The following DLEC1 variants were observed in gnomAD, a reference collection of about 807,000 sequenced individuals.
DLEC1 encodes DLEC1 cilia and flagella associated protein, also known as deleted in lung and esophageal cancer protein 1.
Under a neutral mutation model 198.1 loss-of-function variants are expected in DLEC1, and 146 were observed. The ratio of observed to expected loss-of-function variants is 0.74; its 90% CI spans 0.64 to 0.85. DLEC1 has a LOEUF of 0.85. Among genes scored for constraint, DLEC1 ranks in the 40% least tolerant of loss-of-function variants. The pLI, the probability that DLEC1 is intolerant of heterozygous loss-of-function variation, is 0.00. For synonymous variants in DLEC1, 897 were observed against 866.8 expected (o/e 1.03, Z -0.61); for missense variants, 2,233 against 2,220.0 (o/e 1.01, Z -0.12).
rs1275417549 is a variant in DLEC1 at position 38,088,370 on chromosome 3, A to G, written c.1647A>G (p.Gly549=). 4 of 1,613,664 alleles carry G rather than the reference A, an allele frequency of 2.5e-6. No individual in the cohort carries two copies. Among genetic ancestry groups the G allele is most frequent in the Non-Finnish European group, 3.4e-6 (4 of 1,179,668 alleles). The change falls in exon 10 of 37, where the codon GGA becomes GGG. Residue 549 remains glycine, a synonymous_variant. Coordinates refer to ENST00000308059, the MANE Select transcript of DLEC1 (RefSeq NM_007335.4). ...ILPSVFELAP[G]HAILVEVLFS... ...CTTCGGTGTTTGAGCTGGCCCCGGG[A>G]CATGCTATATTAGTGGAGGTAGGTA...
At position 38,062,272 on chromosome 3, in the gene DLEC1, G is replaced by A. The variant is rs1358542733; in HGVS notation, c.777G>A (p.Lys259=). 1 of 1,614,212 alleles carries A rather than the reference G, an allele frequency of 6.2e-7. No homozygotes were observed. The highest frequency in any genetic ancestry group is 8.5e-7 in the Non-Finnish European group (1 of 1,180,042). The change falls in exon 4 of 37, where the codon AAG becomes AAA. Residue 259 remains lysine, a synonymous_variant. Transcript: ENST00000308059. ...NKKLEDSCRK[K]LAEFEDELDH... ...AGCTTGAAGATTCATGCAGGAAGAA[G>A]CTTGCTGAGTTCGAAGATGAGTTAG... is the stretch of plus-strand genomic sequence containing the variant.
chr3:38,114,377 C>T lies in DLEC1; in HGVS notation c.3702C>T (p.His1234=), dbSNP rs369087160. The change falls in exon 26 of 37, where the codon CAC becomes CAT. Residue 1234 remains histidine, a synonymous_variant. Coordinates refer to ENST00000308059, the MANE Select transcript of DLEC1 (RefSeq NM_007335.4). ...GDLLPEVIPV[H]MAAVGCPISS... is the part of the protein sequence containing the mutation. ...TGCTGCCGGAAGTCATCCCAGTGCA[C>T]ATGGCAGCGGTGGGCTGCCCCATCA... 1.2e-4 allele frequency: 197 copies of T among 1,614,066 alleles called. No individual in the cohort carries two copies. The highest frequency in any genetic ancestry group is 1.5e-4 in the Non-Finnish European group (181 of 1,180,026).
chr3:38,043,536 G>A (rs373599418), intron 1 of DLEC1, among the ~76,000 whole-genome samples: 6 of 152,274 alleles, frequency 3.9e-5, no homozygotes, highest in African/African-American at 1.4e-4. Flanking sequence ...CTTCTTCTTA[G>A]CCTTCCATAT....
Position 38,063,874 on chromosome 3 carries a change from A to T in DLEC1, c.1128A>T (p.Pro376=). 2 of 1,613,566 alleles carry T rather than the reference A, an allele frequency of 1.2e-6. No homozygotes were observed. Among genetic ancestry groups the T allele is most frequent in the Non-Finnish European group, 1.7e-6 (2 of 1,179,690 alleles). Residue 376 remains proline (P), a synonymous_variant, in exon 6 of 37, where the codon CCA becomes CCT. Coordinates refer to ENST00000308059, the MANE Select transcript of DLEC1 (RefSeq NM_007335.4). The part of the protein sequence containing the change: ...CADTPVFLAK[P]PIGFFTDYEI... ...ATACTCCAGTGTTTCTAGCTAAGCCACCAATTGGGTTTTTCACAGATTATG... is the reference window on the plus strand; with the variant it reads ...ATACTCCAGTGTTTCTAGCTAAGCCTCCAATTGGGTTTTTCACAGATTATG...
At chr3:38,055,944 C>T (rs760495048) in intron 2 of DLEC1, among the ~76,000 whole-genome samples, 22 of 152,254 alleles carry the variant, frequency 1.4e-4, no homozygotes, top group Admixed American at 9.8e-4. Flanking sequence ...TCAGGCTGAT[C>T]GTGCTGGCTC....
rs1559469311 is a variant in DLEC1 at position 38,120,615 on chromosome 3, C to A, written c.4866+6C>A. On this transcript the variant is annotated splice_donor_region_variant and intron_variant, in intron 34 of 36. Coordinates refer to ENST00000308059, the MANE Select transcript of DLEC1 (RefSeq NM_007335.4). ...ACACCAACCAGACCACTCAGGCACGCCCCAGGCCCACCTACATGTGGAGGA... is the reference window on the plus strand; with the variant it reads ...ACACCAACCAGACCACTCAGGCACGACCCAGGCCCACCTACATGTGGAGGA... The A allele has an allele frequency of 6.2e-7, 1 of 1,612,766 alleles. No homozygotes were observed. The highest frequency in any genetic ancestry group is 1.7e-5 in the Admixed American group (1 of 60,026).
At chr3:38,065,220 C>T (rs937748497) in intron 6 of DLEC1, among the ~76,000 whole-genome samples, 4 of 152,250 alleles carry the variant, frequency 2.6e-5, no homozygotes, top group Admixed American at 6.5e-5. Flanking sequence ...CGCCTGCAAT[C>T]GCAGGCACTC....
At chr3:38,080,507 C>T (rs1171242629) in intron 6 of DLEC1, among the ~76,000 whole-genome samples, 1 of 152,108 alleles carries the variant, frequency 6.6e-6, no homozygotes, top group Non-Finnish European at 1.5e-5. Flanking sequence ...GCACCTCAGA[C>T]CGTTTGCCTA....
At position 38,114,995 on chromosome 3, in the gene DLEC1, G is replaced by A; in HGVS notation, c.3798G>A (p.Gln1266=). The A allele has an allele frequency of 6.2e-7, 1 of 1,613,712 alleles. No individual in the cohort carries two copies. The highest frequency in any genetic ancestry group is 2.2e-5 in the East Asian group (1 of 44,882). Residue 1266 remains glutamine, a synonymous_variant, in exon 27 of 37, where the codon CAG becomes CAA. Transcript: ENST00000308059. Reference sequence around the variant, plus strand: ...TGTCCCCCTCCAGGTTCGGCACCCAGGTCTCCGGAGGAGACACAGTTACCC... The same window carrying A: ...TGTCCCCCTCCAGGTTCGGCACCCAAGTCTCCGGAGGAGACACAGTTACCC... ...QKEPAMRFGT[Q]VSGGDTVTRT... is the part of the protein sequence containing the mutation.
At chr3:38,072,408 AG>A (rs1697369772) in intron 6 of DLEC1, among the ~76,000 whole-genome samples, 1 of 152,214 alleles carries the variant, frequency 6.6e-6, no homozygotes, top group South Asian at 2.1e-4. Context: ...TAAAACAGTA[AG>A]GTCAAGTTGT....
At position 38,039,239 on chromosome 3, in the gene DLEC1, G is replaced by A. The variant is rs1317880755; in HGVS notation, c.14G>A (p.Ser5Asn). 6.2e-7 allele frequency: 1 copy of A among 1,605,786 alleles called. No homozygotes were observed. Among genetic ancestry groups the A allele is most frequent in the Non-Finnish European group, 8.5e-7 (1 of 1,174,566 alleles). ...GTCTCGGTTGCCATGGAGACCAGGA[G>A]CTCCAAAACGCGGAGGTCTTTAGCG... Reference protein sequence around the residue: METRSSKTRRSLASR... With the variant: METRNSKTRRSLASR... The change falls in exon 1 of 37, where the codon AGC becomes AAC. Residue 5 changes from serine (S) to asparagine (N), a missense_variant. Ser to Asn is a conservative substitution (Grantham distance 46). Transcript: ENST00000308059.
intron 6 of DLEC1, among the ~76,000 whole-genome samples, chr3:38,083,754 C>G (rs62240732): frequency 0.19 from 29,277 of 151,550 alleles, 3,410 homozygotes; most frequent in East Asian, 0.34. Context: ...TCATTTTTAC[C>G]TTGTATTTTA....
Position 38,116,977 on chromosome 3 carries a change from G to A in DLEC1, c.4182G>A (p.Val1394=), listed in dbSNP as rs1479728784. ...HLYCISPKQV[V]VPAGGSSTIY... The stretch of plus-strand genomic sequence containing the variant: ...TAAGGCTGCTGTGTCTATGCCAGGT[G>A]GTCCCTGCTGGGGGCAGCAGTACCA... Residue 1394 remains valine (V), a splice_region_variant and synonymous_variant, in exon 30 of 37, where the codon GTG becomes GTA. Coordinates refer to ENST00000308059, the MANE Select transcript of DLEC1 (RefSeq NM_007335.4). The A allele has an allele frequency of 5.0e-6, 8 of 1,613,816 alleles. No individual in the cohort carries two copies. In the East Asian group the frequency reaches 1.8e-4, roughly 36 times the overall value.
intron 2 of DLEC1, among the ~76,000 whole-genome samples, 195 bp downstream of exon 2, chr3:38,045,888 G>A (rs1185921599): frequency 6.6e-6 from 1 of 152,124 alleles, no homozygotes; most frequent in African/African-American, 2.4e-5. Context: ...TTCAAAACAA[G>A]GACGCTCTCC....
Position 38,084,242 on chromosome 3 carries a change from C to T in DLEC1, c.1258C>T (p.Leu420=). ...TTCCACGCCATACTTCGCTCTGGGA[C>T]TGGGTAAGTTCAGTATTTGTAAGTT... ...PPSTPYFALG[L]GMFPGKGGMV... Residue 420 remains leucine, a synonymous_variant, in exon 7 of 37, where the codon CTG becomes TTG. Transcript: ENST00000308059. The T allele has an allele frequency of 6.2e-7, 1 of 1,611,848 alleles. No individual in the cohort carries two copies. The highest frequency in any genetic ancestry group is 8.5e-7 in the Non-Finnish European group (1 of 1,178,694).
chr3:38,085,531 G>C, intron 8 of DLEC1, 84 bp downstream of exon 8: 1 of 1,532,562 alleles, frequency 6.5e-7, no homozygotes, highest in Non-Finnish European at 8.8e-7. Context: ...GGTTCCCTTT[G>C]TATCAGCACA....
chr3:38,111,153 A>G (rs73062845), intron 23 of DLEC1, among the ~76,000 whole-genome samples: 3,674 of 152,238 alleles, frequency 0.024, 68 homozygotes, highest in Middle Eastern at 0.095. Flanking sequence ...TGGACACCTC[A>G]CCACCTAATC....
At chr3:38,054,967 A>G (rs1032134504) in intron 2 of DLEC1, among the ~76,000 whole-genome samples, 6 of 152,256 alleles carry the variant, frequency 3.9e-5, no homozygotes, top group Non-Finnish European at 1.5e-5. Context: ...AGCCTGAACC[A>G]GGAGCCACAA....
rs760954387 is a variant in DLEC1 at position 38,116,465 on chromosome 3, A to C, written c.3869A>C (p.Asp1290Ala). The change falls in exon 28 of 37, where the codon GAT (aspartate) becomes GCT (alanine). Residue 1290 changes from aspartate to alanine, a missense_variant. Coordinates refer to ENST00000308059, the MANE Select transcript of DLEC1 (RefSeq NM_007335.4). The part of the protein sequence containing the change: ...NNSSPCDIRL[D>A]WETYVPEDKE... Reference sequence around the variant, plus strand: ...ACATCTGCCCCAGACATCCGCCTGGATTGGGAGACCTATGTTCCAGAAGAC... The same window carrying C: ...ACATCTGCCCCAGACATCCGCCTGGCTTGGGAGACCTATGTTCCAGAAGAC... 6.2e-7 allele frequency: 1 copy of C among 1,613,956 alleles called. No individual in the cohort carries two copies. The highest frequency in any genetic ancestry group is 1.7e-5 in the Admixed American group (1 of 60,002).
Sources: allele counts gnomAD v4.1 joint callset (sites outside exome capture counted in the v4.1 genomes callset), GRCh38; gene constraint gnomAD v4.1.1; transcripts MANE v1.5; gene names NCBI Gene and HGNC (gene_info 2026-07-23, HGNC 2026-07-21).